The following RARRES1 variants were observed in gnomAD, a reference collection of about 807,000 sequenced individuals.
RARRES1 encodes retinoic acid receptor responder protein 1.
Under a neutral mutation model 30.6 loss-of-function variants are expected in RARRES1, and 34 were observed. That is an observed-to-expected ratio of 1.11 (90% CI 0.84 to 1.48). The LOEUF is 1.48. Ranked by LOEUF, RARRES1 falls within the 40% of genes most tolerant of loss-of-function variation. The probability of loss-of-function intolerance (pLI) is 0.00; values close to 1 mark genes in which losing one functional copy is unlikely to be tolerated. For synonymous variants in RARRES1, 153 were observed against 155.5 expected (o/e 0.98, Z 0.12); for missense variants, 373 against 386.5 (o/e 0.97, Z 0.29).
chr3:158,698,016 A>G (rs1293292431), intron 4 of RARRES1, 46 bp from the exon 5 acceptor site: 4 of 1,321,610 alleles, frequency 3.0e-6, no homozygotes, highest in East Asian at 2.4e-5. Context: ...GGTGGTATTT[A>G]GTGTAATAAC....
chr3:158,717,609 G>A (rs564929915), intron 1 of RARRES1, among the ~76,000 whole-genome samples: 1 of 152,362 alleles, frequency 6.6e-6, no homozygotes, highest in Admixed American at 6.5e-5. Context: ...AGAGGATTTT[G>A]TCCTGAGAGA....
At chr3:158,707,437 G>A (rs189171599) in intron 3 of RARRES1, among the ~76,000 whole-genome samples, 27 of 152,220 alleles carry the variant, frequency 1.8e-4, no homozygotes, top group Admixed American at 1.3e-3. Context: ...ACTGGTTGAC[G>A]GAGATTCTCA....
At chr3:158,708,949 G>T (rs889224704) in intron 3 of RARRES1, among the ~76,000 whole-genome samples, 1 of 152,136 alleles carries the variant, frequency 6.6e-6, no homozygotes, top group Non-Finnish European at 1.5e-5. Flanking sequence ...GAGCCACCGC[G>T]CCTGGCCCCC....
intron 1 of RARRES1, among the ~76,000 whole-genome samples, chr3:158,714,292 C>T (rs539607297): frequency 2.0e-5 from 3 of 152,242 alleles, no homozygotes; most frequent in South Asian, 2.1e-4. Context: ...TGGCAACAAA[C>T]GCACAACAAG....
Position 158,732,163 on chromosome 3 carries a change from C to T in RARRES1, c.253G>A (p.Glu85Lys). The T allele has an allele frequency of 7.1e-7, 1 of 1,406,650 alleles. No homozygotes were observed. 87.1% of individuals were successfully genotyped at this position (1,406,650 alleles called of 1,614,324 possible). The part of the protein sequence containing the change: ...GSPSALRVLA[E>K]VQEGRAWINP... ...ACCCACGCGCGGCCCTCCTGCACCT[C>T]GGCCAGCACTCGTAGCGCGCTGGGC... The change falls in exon 1 of 6, where the codon GAG becomes AAG. Residue 85 changes from glutamate to lysine, a missense_variant. Coordinates refer to ENST00000237696, the MANE Select transcript of RARRES1 (RefSeq NM_206963.2).
At chr3:158,720,286 G>GAC (rs1727474999) in intron 1 of RARRES1, among the ~76,000 whole-genome samples, 1 of 151,764 alleles carries the variant, frequency 6.6e-6, no homozygotes, top group African/African-American at 2.4e-5. Flanking sequence ...GAGAGAGAGA[G>GAC]AGAGAGAGAG....
intron 3 of RARRES1, among the ~76,000 whole-genome samples, chr3:158,708,610 A>G (rs1473149372): frequency 6.6e-6 from 1 of 152,192 alleles, no homozygotes; most frequent in South Asian, 2.1e-4. Context: ...TCACTTACCC[A>G]TTGTACTACA....
chr3:158,724,758 G>T (rs908553029), intron 1 of RARRES1, among the ~76,000 whole-genome samples: 2 of 152,110 alleles, frequency 1.3e-5, no homozygotes, highest in Admixed American at 6.5e-5. Context: ...TGTTCTGTGT[G>T]GGCATGTGCC....
intron 4 of RARRES1, chr3:158,698,176 G>T: frequency 1.9e-6 from 1 of 527,748 alleles, no homozygotes; most frequent in Non-Finnish European, 3.4e-6. Context: ...ATGAAAGTCT[G>T]GTTGAATGTC....
chr3:158,699,213 T>TC (rs1399694711), intron 4 of RARRES1, among the ~76,000 whole-genome samples: 4 of 152,014 alleles, frequency 2.6e-5, no homozygotes, highest in East Asian at 1.9e-4. Flanking sequence ...TTATGCCAAG[T>TC]CCCCCTGTAA....
intron 1 of RARRES1, among the ~76,000 whole-genome samples, chr3:158,728,536 G>GTTTTTTTTTTTT (rs1553746148): frequency 2.8e-5 from 4 of 141,688 alleles, no homozygotes; most frequent in African/African-American, 1.1e-4. Flanking sequence ...TTTTTTTTTG[G>GTTTTTTTTTTTT]TTTTTGAGAC....
chr3:158,712,179 A>T (rs1372305268), intron 2 of RARRES1, among the ~76,000 whole-genome samples: 1 of 152,208 alleles, frequency 6.6e-6, no homozygotes, highest in Non-Finnish European at 1.5e-5. Context: ...GGCTGGTTGC[A>T]TAGTTGAGGT....
At chr3:158,724,888 G>A (rs1727634724) in intron 1 of RARRES1, among the ~76,000 whole-genome samples, 2 of 151,648 alleles carry the variant, frequency 1.3e-5, no homozygotes, top group Non-Finnish European at 2.9e-5. Flanking sequence ...AGGCAGTGGT[G>A]CAATCAGGGC....
intron 2 of RARRES1, 86 bp downstream of exon 2, chr3:158,713,711 C>G: frequency 7.8e-7 from 1 of 1,289,182 alleles, no homozygotes. Flanking sequence ...ACCTCCAGAT[C>G]ACTATATATT....
chr3:158,697,486 C>G lies in RARRES1; in HGVS notation c.*192G>C, dbSNP rs1430117342. 5 of 592,130 alleles carry G rather than the reference C, an allele frequency of 8.4e-6. No homozygotes were observed. The highest frequency in any genetic ancestry group is 1.4e-5 in the Non-Finnish European group (5 of 348,494). The allele number at this position is 592,130 out of a possible 1,614,324, so 36.7% of individuals were successfully genotyped here. Reference sequence around the variant, plus strand: ...CACTGAGCAGAGTTCAGTGTGCATGCGCTTCCAGAGTTAAAAGCTAAAGCA... The same window carrying G: ...CACTGAGCAGAGTTCAGTGTGCATGGGCTTCCAGAGTTAAAAGCTAAAGCA... On this transcript the variant is annotated 3_prime_UTR_variant, in exon 6 of 6. Transcript: ENST00000237696.
At chr3:158,731,123 A>T (rs1310858644) in intron 1 of RARRES1, among the ~76,000 whole-genome samples, 1 of 152,222 alleles carries the variant, frequency 6.6e-6, no homozygotes, top group Admixed American at 6.5e-5. Flanking sequence ...TAATCATTCA[A>T]TAAATACAGC....
chr3:158,713,738 TACAAAGCCA>T, intron 2 of RARRES1, 50 bp downstream of exon 2: 1 of 1,483,188 alleles, frequency 6.7e-7, no homozygotes, highest in Non-Finnish European at 9.3e-7. Flanking sequence ...CTCACTTTTT[TACAAAGCCA>T]TATTTATAGC....
At chr3:158,731,909 G>T (rs945087130) in intron 1 of RARRES1, among the ~76,000 whole-genome samples, 1 of 152,246 alleles carries the variant, frequency 6.6e-6, no homozygotes, top group African/African-American at 2.4e-5. Flanking sequence ...ATAAATGCTG[G>T]AAGGAACGAG....
At chr3:158,705,054 C>A in intron 3 of RARRES1, 127 bp from the exon 4 acceptor site, 2 of 1,243,352 alleles carry the variant, frequency 1.6e-6, no homozygotes, top group African/African-American at 3.0e-5. Context: ...AGACCTTGAG[C>A]CATATATGTG....
Sources: allele counts gnomAD v4.1 joint callset (sites outside exome capture counted in the v4.1 genomes callset), GRCh38; gene constraint gnomAD v4.1.1; transcripts MANE v1.5; gene names NCBI Gene and HGNC (gene_info 2026-07-23, HGNC 2026-07-21).